Variants in POLN observed in about 807,000 individuals in gnomAD.
The protein encoded by POLN is DNA polymerase nu.
A neutral mutation model predicts 113.5 loss-of-function variants in POLN; 108 were observed. That is an observed-to-expected ratio of 0.95 (90% confidence interval 0.81 to 1.12). The LOEUF (loss-of-function observed/expected upper bound fraction) is 1.12, where lower values mean the gene tolerates loss of function less well. Ranked by LOEUF, POLN falls within the 50% of genes most tolerant of loss-of-function variation. The pLI, the probability that POLN is intolerant of heterozygous loss-of-function variation, is 0.00. For synonymous variants in POLN, 386 were observed against 391.5 expected (o/e 0.99, Z 0.17); for missense variants, 1,097 against 1,077.1 (o/e 1.02, Z -0.26).
Position 2,200,778 on chromosome 4 carries a change from C to G in POLN, c.715-2061G>C, listed in dbSNP as rs567277827. On this transcript the variant is annotated intron_variant, in intron 5 of 25. Coordinates refer to ENST00000511885, the MANE Select transcript of POLN (RefSeq NM_181808.4). Reference sequence around the variant, plus strand: ...CCCAAATGAGAAGGAACCAGAAAACCAACTCTGGTAATATGACAAAACAAG... The same window carrying G: ...CCCAAATGAGAAGGAACCAGAAAACGAACTCTGGTAATATGACAAAACAAG... Among the ~76,000 whole-genome samples, 7 of 152,240 alleles carry G rather than the reference C, an allele frequency of 4.6e-5. No homozygotes were observed. The East Asian group carries it at 5.8e-4, about 13-fold the overall frequency.
At chr4:2,123,624 C>CAAAAAAAAAA (rs771462226) in intron 19 of POLN, among the ~76,000 whole-genome samples, 1 of 54,954 alleles carries the variant, frequency 1.8e-5, no homozygotes, top group Non-Finnish European at 3.6e-5. Flanking sequence ...GACCCTGTCT[C>CAAAAAAAAAA]AAAAAAAAAA....
At position 2,198,521 on chromosome 4, in the gene POLN, T is replaced by C; in HGVS notation, c.908+3A>G. On this transcript the variant is annotated splice_donor_region_variant and intron_variant, in intron 6 of 25. Transcript: ENST00000511885. ...TGTGAGCCCATGTGTGAAGATTTCT[T>C]ACCGGGCAAATTGTTGATGTGCCTC... 1 of 1,605,396 alleles carries C rather than the reference T, an allele frequency of 6.2e-7. No homozygotes were observed. Among genetic ancestry groups the C allele is most frequent in the Non-Finnish European group, 8.5e-7 (1 of 1,174,998 alleles).
chr4:2,198,542 G>C lies in POLN; in HGVS notation c.890C>G (p.Ala297Gly). 1 of 1,609,744 alleles carries C rather than the reference G, an allele frequency of 6.2e-7. No homozygotes were observed. The highest frequency in any genetic ancestry group is 8.5e-7 in the Non-Finnish European group (1 of 1,177,916). Residue 297 changes from alanine to glycine, a missense_variant, in exon 6 of 26, where the codon GCA becomes GGA. Ala to Gly is a moderately conservative substitution (Grantham distance 60, BLOSUM62 0). Coordinates refer to ENST00000511885, the MANE Select transcript of POLN (RefSeq NM_181808.4). ...HSAIWDQEQE[A>G]HQQFARNVLF... ...TTCTTACCGGGCAAATTGTTGATGTGCCTCCTGTTCTTGGTCCCAGATAGC... is the reference window on the plus strand; with the variant it reads ...TTCTTACCGGGCAAATTGTTGATGTCCCTCCTGTTCTTGGTCCCAGATAGC...
chr4:2,233,657 A>G (rs1442756495), intron 2 of POLN, among the ~76,000 whole-genome samples: 2 of 152,152 alleles, frequency 1.3e-5, no homozygotes, highest in Non-Finnish European at 2.9e-5. Context: ...AAATTGACTT[A>G]TTTTTTTCCT....
intron 3 of POLN, among the ~76,000 whole-genome samples, chr4:2,216,089 T>C (rs1357047345): frequency 6.6e-6 from 1 of 152,210 alleles, no homozygotes; most frequent in South Asian, 2.1e-4. Flanking sequence ...CCCCCAGTTA[T>C]GTAGTAACAG....
rs1730717796 is a variant in POLN at position 2,093,699 on chromosome 4, C to A, written c.2065+2152G>T. Among the ~76,000 whole-genome samples the A allele has an allele frequency of 6.6e-6, 1 of 152,172 alleles. No individual in the cohort carries two copies. The highest frequency in any genetic ancestry group is 6.5e-5 in the Admixed American group (1 of 15,284). On this transcript the variant is annotated intron_variant, in intron 20 of 25. Transcript: ENST00000511885. The surrounding 1 kb of genome is among the most constrained non-coding windows in gnomAD (Gnocchi z 4.1). ...GCCCCAGGGAGGTTCAGGGGTGCAG[C>A]ACAGAAGAGGCTGAGAGGAGGCAGT...
intron 7 of POLN, among the ~76,000 whole-genome samples, chr4:2,189,361 C>T (rs1451907896): frequency 2.6e-5 from 4 of 152,230 alleles, no homozygotes; most frequent in African/African-American, 4.8e-5. Flanking sequence ...TGTTACCGGC[C>T]AGGCACAGTG....
At chr4:2,096,056 C>A (rs542256138) in intron 19 of POLN, 123 bp from the exon 20 acceptor site, 4 of 823,100 alleles carry the variant, frequency 4.9e-6, no homozygotes, top group African/African-American at 3.3e-5. Context: ...TTCATGGTGG[C>A]CGGCACACTG....
intron 16 of POLN, among the ~76,000 whole-genome samples, chr4:2,155,505 A>C (rs551465160): frequency 1.3e-5 from 2 of 152,236 alleles, no homozygotes; most frequent in African/African-American, 4.8e-5. Flanking sequence ...CTCTGCCTGC[A>C]TGCACTCGGT....
chr4:2,114,902 T>A (rs1351330972), intron 19 of POLN, among the ~76,000 whole-genome samples: 2 of 151,914 alleles, frequency 1.3e-5, no homozygotes, highest in African/African-American at 2.4e-5. Flanking sequence ...GTTGCACAGA[T>A]CTTGGATTCT....
intron 19 of POLN, among the ~76,000 whole-genome samples, chr4:2,109,732 C>T (rs986839008): frequency 1.3e-5 from 2 of 152,038 alleles, no homozygotes; most frequent in Admixed American, 6.6e-5. Flanking sequence ...CATGTTTTTC[C>T]TTATCCTTTT....
intron 5 of POLN, among the ~76,000 whole-genome samples, chr4:2,201,277 C>CAAAAAAAAAAAAAAAAA (rs35399602): frequency 6.3e-5 from 1 of 15,834 alleles, no homozygotes; most frequent in African/African-American, 4.8e-4. Context: ...CCTACCACTC[C>CAAAAAAAAAAAAAAAAA]AAAAAAAAAA....
At chr4:2,081,496 A>T in intron 22 of POLN, 137 bp downstream of exon 22, 1 of 769,248 alleles carries the variant, frequency 1.3e-6, no homozygotes, top group Non-Finnish European at 2.2e-6. Flanking sequence ...GGACATGGGT[A>T]GTGTAAGCTC....
chr4:2,158,790 C>T (rs538522835), intron 14 of POLN, among the ~76,000 whole-genome samples: 4 of 152,192 alleles, frequency 2.6e-5, no homozygotes, highest in South Asian at 2.1e-4. Context: ...AACACTACTA[C>T]GGTATGGTCT....
chr4:2,094,384 G>C (rs149218228), intron 20 of POLN, among the ~76,000 whole-genome samples: 1 of 35,022 alleles, frequency 2.9e-5, no homozygotes, highest in Non-Finnish European at 6.7e-5. Flanking sequence ...AAGAAAGAAA[G>C]AAACAGAAGC....
At chr4:2,110,461 C>T (rs1731164308) in intron 19 of POLN, among the ~76,000 whole-genome samples, 1 of 151,652 alleles carries the variant, frequency 6.6e-6, no homozygotes, top group Non-Finnish European at 1.5e-5. Flanking sequence ...CCTGGTTTTT[C>T]GAAAAGATCA....
intron 6 of POLN, among the ~76,000 whole-genome samples, chr4:2,196,308 G>C (rs1733570580): frequency 6.6e-6 from 1 of 152,132 alleles, no homozygotes; most frequent in Non-Finnish European, 1.5e-5. Context: ...CTCCACCTAG[G>C]AAGTGCTGCG....
intron 13 of POLN, among the ~76,000 whole-genome samples, chr4:2,165,777 AAT>A (rs1196041706): frequency 6.6e-6 from 1 of 152,062 alleles, no homozygotes; most frequent in African/African-American, 2.4e-5. Flanking sequence ...AAAACTAAAA[AAT>A]AGTCTTTTTT....
chr4:2,227,435 T>A (rs1181732223), intron 3 of POLN: 2 of 152,212 alleles, frequency 1.3e-5, no homozygotes, highest in African/African-American at 4.8e-5. Context: ...TCCAGGCTCC[T>A]GACGCACAGA....
Sources: allele counts gnomAD v4.1 joint callset (sites outside exome capture counted in the v4.1 genomes callset), GRCh38; gene constraint gnomAD v4.1.1; non-coding constraint Gnocchi (gnomAD v3.1); transcripts MANE v1.5; gene names NCBI Gene and HGNC (gene_info 2026-07-23, HGNC 2026-07-21).